The following SPIDR variants were observed in gnomAD, a reference collection of about 807,000 sequenced individuals.
SPIDR encodes the protein scaffold protein involved in DNA repair.
In SPIDR, 93 loss-of-function variants were observed where a neutral mutation model predicts 104.6. That is an observed-to-expected ratio of 0.89 (90% CI 0.75 to 1.06). The LOEUF is 1.06. SPIDR is among the 50% of genes least tolerant of loss of function. The pLI is 0.00. For synonymous variants in SPIDR, 431 were observed against 416.9 expected (o/e 1.03, Z -0.41); for missense variants, 1,154 against 1,111.2 (o/e 1.04, Z -0.55).
intron 3 of SPIDR, among the ~76,000 whole-genome samples, chr8:47,289,389 A>G (rs1007961075): frequency 1.3e-5 from 2 of 152,172 alleles, no homozygotes; most frequent in Non-Finnish European, 2.9e-5. Context: ...CAAATACCAT[A>G]CTGCATAGGA....
intron 8 of SPIDR, among the ~76,000 whole-genome samples, chr8:47,535,362 G>C (rs369175848): frequency 5.3e-4 from 80 of 152,204 alleles, no homozygotes; most frequent in South Asian, 3.5e-3. Flanking sequence ...CTCACAGATT[G>C]TGAGGGATGA....
At chr8:47,317,311 C>T (rs939670152) in intron 5 of SPIDR, among the ~76,000 whole-genome samples, 22 of 152,156 alleles carry the variant, frequency 1.4e-4, no homozygotes, top group Non-Finnish European at 2.9e-4. Flanking sequence ...TTGTATCCCA[C>T]GCCTGGCTCG....
chr8:47,502,456 AGT>A (rs2080672482), intron 8 of SPIDR, among the ~76,000 whole-genome samples: 1 of 152,130 alleles, frequency 6.6e-6, no homozygotes, highest in Non-Finnish European at 1.5e-5. Context: ...CTCTGATGGT[AGT>A]TTGTGTTTCT....
At chr8:47,278,321 ATT>A (rs1293830434) in intron 1 of SPIDR, among the ~76,000 whole-genome samples, 4 of 137,926 alleles carry the variant, frequency 2.9e-5, no homozygotes, top group Admixed American at 7.3e-5. Context: ...ACACCCAGCT[ATT>A]TTTTTTTTTT....
intron 5 of SPIDR, among the ~76,000 whole-genome samples, chr8:47,322,681 G>A (rs1460978542): frequency 2.6e-5 from 4 of 152,248 alleles, no homozygotes; most frequent in Admixed American, 2.0e-4. Flanking sequence ...GAGACTTGGA[G>A]CCAAGCCAGA....
intron 8 of SPIDR, among the ~76,000 whole-genome samples, chr8:47,450,547 G>T (rs555353375): frequency 1.3e-5 from 2 of 152,118 alleles, no homozygotes; most frequent in East Asian, 1.9e-4. Flanking sequence ...TTTGGAAAAG[G>T]CTCCTCAAAT....
intron 8 of SPIDR, among the ~76,000 whole-genome samples, chr8:47,450,106 A>T (rs1157421486): frequency 8.5e-5 from 13 of 152,196 alleles, no homozygotes; most frequent in African/African-American, 3.1e-4. Context: ...TCAAGGCTGC[A>T]TTGAGCCATG....
At chr8:47,276,609 A>G (rs1280518527) in intron 1 of SPIDR, among the ~76,000 whole-genome samples, 1 of 152,242 alleles carries the variant, frequency 6.6e-6, no homozygotes, top group Non-Finnish European at 1.5e-5. Context: ...AACAATTTTG[A>G]TGGAAAGGCT....
intron 3 of SPIDR, among the ~76,000 whole-genome samples, chr8:47,289,087 G>A (rs1460862356): frequency 6.6e-6 from 1 of 152,102 alleles, no homozygotes; most frequent in African/African-American, 2.4e-5. Flanking sequence ...ATAGCTCACT[G>A]CAGCCTCAAA....
At chr8:47,627,002 C>T (rs1407121767) in intron 10 of SPIDR, among the ~76,000 whole-genome samples, 8 of 152,162 alleles carry the variant, frequency 5.3e-5, no homozygotes, top group South Asian at 4.2e-4. Context: ...TGTCCAACAG[C>T]GATAGACTGG....
intron 1 of SPIDR, among the ~76,000 whole-genome samples, chr8:47,262,852 GGA>G (rs981194268): frequency 1.3e-5 from 2 of 152,150 alleles, no homozygotes; most frequent in African/African-American, 4.8e-5. Context: ...CTTAATGGTT[GGA>G]GTGTTGATGT....
intron 8 of SPIDR, among the ~76,000 whole-genome samples, chr8:47,499,453 T>G (rs1265863979): frequency 6.6e-6 from 1 of 152,136 alleles, no homozygotes; most frequent in Non-Finnish European, 1.5e-5. Flanking sequence ...CTAGAACCAC[T>G]TTGGCTTCAT....
chr8:47,332,104 G>T (rs1587130656), intron 5 of SPIDR, among the ~76,000 whole-genome samples: 1 of 77,714 alleles, frequency 1.3e-5, no homozygotes, highest in African/African-American at 5.1e-5. Flanking sequence ...ACCCACTAAT[G>T]TGTCATCTAG....
chr8:47,465,329 A>G (rs1434946464), intron 8 of SPIDR, among the ~76,000 whole-genome samples: 3 of 151,444 alleles, frequency 2.0e-5, no homozygotes, highest in Non-Finnish European at 4.4e-5. Context: ...ATAACCAACT[A>G]CCATCATGAT....
chr8:47,377,855 T>C (rs189574399), intron 5 of SPIDR, among the ~76,000 whole-genome samples: 80 of 152,174 alleles, frequency 5.3e-4, no homozygotes, highest in Admixed American at 1.8e-3. Flanking sequence ...ATAATAAGAA[T>C]CTCTAGTAGC....
At chr8:47,564,892 G>A (rs1026525712) in intron 8 of SPIDR, among the ~76,000 whole-genome samples, 4 of 152,088 alleles carry the variant, frequency 2.6e-5, no homozygotes, top group Admixed American at 2.6e-4. Context: ...ATTGCAAGAA[G>A]TATCAAGCAA....
At chr8:47,428,199 T>A (rs554739949) in intron 7 of SPIDR, among the ~76,000 whole-genome samples, 1 of 152,340 alleles carries the variant, frequency 6.6e-6, no homozygotes, top group East Asian at 1.9e-4. Flanking sequence ...GCTGGGATTA[T>A]AGGCATGAAC....
At chr8:47,632,443 T>G (rs2067208414) in intron 10 of SPIDR, among the ~76,000 whole-genome samples, 1 of 152,200 alleles carries the variant, frequency 6.6e-6, no homozygotes. Flanking sequence ...TTCATGTAAT[T>G]TTAAGTACCA....
chr8:47,273,678 TGACCTCCC>T (rs1449412447), intron 1 of SPIDR, among the ~76,000 whole-genome samples: 9 of 152,026 alleles, frequency 5.9e-5, no homozygotes, highest in African/African-American at 2.2e-4. Context: ...ACCGCAGCTT[TGACCTCCC>T]AGGCTCAGGT....
Sources: gnomAD v4.1 joint callset for allele counts (sites outside exome capture counted in the v4.1 genomes callset) on GRCh38, gnomAD v4.1.1 for gene constraint, MANE v1.5 for transcripts, NCBI Gene and HGNC (gene_info 2026-07-23, HGNC 2026-07-21) for gene names.